AGMO: variants seen among roughly 807,000 people sequenced by gnomAD.
AGMO encodes the protein alkylglycerol monooxygenase.
Under a neutral mutation model 60.2 loss-of-function variants are expected in AGMO, and 75 were observed. That is an observed-to-expected ratio of 1.25 (90% CI 1.03 to 1.51). The LOEUF (loss-of-function observed/expected upper bound fraction) is 1.51, where lower values mean the gene tolerates loss of function less well. Among genes scored for constraint, AGMO ranks in the 40% most tolerant of loss-of-function variants. AGMO has a pLI of 0.00. For missense variants in AGMO, 763 were observed against 525.5 expected, an observed-to-expected ratio of 1.45 and a Z score of -4.42; for synonymous variants, 261 against 177.1, an observed-to-expected ratio of 1.47 and a Z score of -3.76.
intron 12 of AGMO, among the ~76,000 whole-genome samples, chr7:15,357,388 A>T (rs1782579476): frequency 6.6e-6 from 1 of 152,038 alleles, no homozygotes; most frequent in Non-Finnish European, 1.5e-5. Context: ...ATGACAATAC[A>T]CTAACCACCA....
intron 3 of AGMO, among the ~76,000 whole-genome samples, chr7:15,489,546 A>G (rs970442838): frequency 6.6e-6 from 1 of 152,148 alleles, no homozygotes; most frequent in Non-Finnish European, 1.5e-5. Context: ...TGGAGCTCCC[A>G]CTAACAGGGT....
In AGMO at chr7:15,274,663, G is replaced by T. The variant is rs572498452; in HGVS notation, c.1264-73304C>A. Among the ~76,000 whole-genome samples the T allele has an allele frequency of 8.0e-5, 12 of 150,232 alleles. No homozygotes were observed. The South Asian group carries it at 2.5e-3, about 32-fold the overall frequency. On this transcript the variant is annotated intron_variant, in intron 12 of 12. Coordinates refer to ENST00000342526, the MANE Select transcript of AGMO (RefSeq NM_001004320.2). ...GTACCAGTACTTTGTACATTTGGTA[G>T]AAGTTCAGTTGTGGATCCATCTGGT...
chr7:15,248,222 A>ATATATATATATATCTATC (rs1554401294), intron 12 of AGMO, among the ~76,000 whole-genome samples: 2 of 104,198 alleles, frequency 1.9e-5, no homozygotes, highest in African/African-American at 7.3e-5. Context: ...ATATATATAT[A>ATATATATATATATCTATC]TATCTTCATC....
chr7:15,396,054 A>T (rs1784365529), intron 5 of AGMO: 1 of 152,232 alleles, frequency 6.6e-6, no homozygotes, highest in Non-Finnish European at 1.5e-5. Context: ...ACCTGAAAAG[A>T]GTTCTTGTCT....
intron 12 of AGMO, among the ~76,000 whole-genome samples, chr7:15,360,139 A>G (rs10256403): frequency 0.55 from 84,335 of 152,062 alleles, 24,583 homozygotes; most frequent in African/African-American, 0.75. Flanking sequence ...ATGTCCACCC[A>G]CCAAGGTAGG....
At chr7:15,375,551 C>G (rs867169166) in intron 10 of AGMO, among the ~76,000 whole-genome samples, 1 of 151,864 alleles carries the variant, frequency 6.6e-6, no homozygotes, top group Admixed American at 6.6e-5. Context: ...CACCTGCCAC[C>G]GCACCCAGCT....
the AGMO span, among the ~76,000 whole-genome samples, chr7:15,153,261 G>C: frequency 5.9e-5 from 9 of 151,698 alleles, no homozygotes; most frequent in African/African-American, 2.2e-4. Flanking sequence ...CAGATATACA[G>C]ATTGTGAAGA....
At chr7:15,189,271 T>C in the AGMO span, among the ~76,000 whole-genome samples, 1 of 151,910 alleles carries the variant, frequency 6.6e-6, no homozygotes, top group Non-Finnish European at 1.5e-5. Flanking sequence ...TTAATGAAAT[T>C]TACAAATAGG....
chr7:15,455,041 T>C (rs1224642308), intron 3 of AGMO, among the ~76,000 whole-genome samples: 1 of 151,514 alleles, frequency 6.6e-6, no homozygotes, highest in Non-Finnish European at 1.5e-5. Flanking sequence ...AGATGCAGAT[T>C]TACTCTTTAA....
Position 15,507,276 on chromosome 7 carries a change from G to T in AGMO, c.409+37496C>A, listed in dbSNP as rs539253883. On this transcript the variant is annotated intron_variant, in intron 3 of 12. Transcript: ENST00000342526. ...ATGACTGGAAAATTATCAACATAGG[G>T]ATGGGTAGCATGAATATCAATACTA... Among the ~76,000 whole-genome samples the T allele has an allele frequency of 8.0e-4, 121 of 152,124 alleles. 3 individuals are homozygous for T. In the South Asian group the frequency reaches 0.024, roughly 30 times the overall value.
chr7:15,196,997 G>A (rs368615034), downstream of AGMO, among the ~76,000 whole-genome samples: 7 of 152,014 alleles, frequency 4.6e-5, no homozygotes, highest in East Asian at 9.7e-4. Flanking sequence ...ACGGATGGCA[G>A]AACTGGAGTG....
intron 12 of AGMO, among the ~76,000 whole-genome samples, chr7:15,365,024 C>T (rs1447717565): frequency 1.3e-5 from 2 of 151,938 alleles, no homozygotes; most frequent in Non-Finnish European, 2.9e-5. Context: ...AATTAACCAT[C>T]ACAGAAGAAC....
At chr7:15,290,124 G>A (rs113196380) in intron 12 of AGMO, among the ~76,000 whole-genome samples, 7,887 of 150,718 alleles carry the variant, frequency 0.052, 701 homozygotes, top group African/African-American at 0.18. Flanking sequence ...CTGCCTCCCT[G>A]GTTCCAGTGA....
intron 12 of AGMO, among the ~76,000 whole-genome samples, chr7:15,322,495 T>A (rs1201765334): frequency 3.8e-4 from 33 of 85,992 alleles, no homozygotes; most frequent in African/African-American, 1.7e-3. Flanking sequence ...TAAATATATA[T>A]AAATATATAA....
At chr7:15,171,302 GA>G in the AGMO span, among the ~76,000 whole-genome samples, 1 of 152,110 alleles carries the variant, frequency 6.6e-6, no homozygotes, top group Non-Finnish European at 1.5e-5. Flanking sequence ...TTTATGGCAG[GA>G]AGACCACAGA....
At position 15,395,001 on chromosome 7, in the gene AGMO, A is replaced by G. The variant is rs945024907; in HGVS notation, c.610-822T>C. Among the ~76,000 whole-genome samples the G allele has an allele frequency of 3.9e-5, 6 of 152,220 alleles. No homozygotes were observed. In the East Asian group the frequency reaches 9.6e-4, roughly 24 times the overall value. On this transcript the variant is annotated intron_variant, in intron 5 of 12. Transcript: ENST00000342526. The stretch of plus-strand genomic sequence containing the variant: ...ATAGAAACCAGGTAGGTGTCATGAA[A>G]AAAGTATAGCAGCCCAGATGTAAGA...
downstream of AGMO, among the ~76,000 whole-genome samples, chr7:15,199,215 G>A (rs1034025611): frequency 6.6e-6 from 1 of 152,010 alleles, no homozygotes; most frequent in African/African-American, 2.4e-5. Context: ...TACCTGTCTG[G>A]TAACCACTCC....
At chr7:15,330,327 G>T (rs188209422) in intron 12 of AGMO, among the ~76,000 whole-genome samples, 23 of 152,240 alleles carry the variant, frequency 1.5e-4, no homozygotes, top group African/African-American at 4.6e-4. Flanking sequence ...AGGAATAAAA[G>T]TAGAAGCAAT....
intron 12 of AGMO, among the ~76,000 whole-genome samples, chr7:15,238,608 A>G (rs1782496158): frequency 6.6e-6 from 1 of 151,666 alleles, no homozygotes. Flanking sequence ...TTAATAATTT[A>G]AAGGCTATAG....
Sources: allele counts gnomAD v4.1 joint callset (sites outside exome capture counted in the v4.1 genomes callset), GRCh38; gene constraint gnomAD v4.1.1; transcripts MANE v1.5; gene names NCBI Gene and HGNC (gene_info 2026-07-23, HGNC 2026-07-21).